Variants in MAGI1 observed in about 807,000 individuals in gnomAD.
The protein encoded by MAGI1 is membrane-associated guanylate kinase, WW and PDZ domain-containing protein 1.
Under a neutral mutation model 139.9 loss-of-function variants are expected in MAGI1, and 58 were observed. The ratio of observed to expected loss-of-function variants is 0.41; its 90% CI spans 0.34 to 0.52. The LOEUF is 0.52. MAGI1 is among the 20% of genes least tolerant of loss of function. The pLI is 0.12. For missense variants in MAGI1, 1,874 were observed against 1,901.6 expected, an observed-to-expected ratio of 0.99 and a Z score of 0.27; for synonymous variants, 812 against 737.9, an observed-to-expected ratio of 1.10 and a Z score of -1.63.
intron 3 of MAGI1, 120 bp downstream of exon 3, chr3:65,493,392 G>T (rs1188801850): frequency 4.4e-6 from 5 of 1,135,054 alleles, no homozygotes; most frequent in Non-Finnish European, 6.4e-6. Flanking sequence ...AAGGTGAACT[G>T]AAATCTCCTG....
chr3:65,531,663 A>C (rs1029953581), intron 2 of MAGI1, among the ~76,000 whole-genome samples: 8 of 152,164 alleles, frequency 5.3e-5, no homozygotes. Context: ...ATCACCCTCA[A>C]GTGGAATAAA....
chr3:65,603,677 T>C (rs901126958), intron 2 of MAGI1, among the ~76,000 whole-genome samples: 3 of 152,246 alleles, frequency 2.0e-5, no homozygotes, highest in African/African-American at 7.2e-5. Flanking sequence ...AATAGCCTTG[T>C]CTTTCTTTGT....
chr3:65,788,558 G>A (rs1028830021), intron 1 of MAGI1, among the ~76,000 whole-genome samples: 1 of 152,202 alleles, frequency 6.6e-6, no homozygotes, highest in Non-Finnish European at 1.5e-5. Context: ...CAGCTGCGTT[G>A]CAGAGGTCTG....
chr3:65,774,673 A>C (rs2038223081), intron 1 of MAGI1, among the ~76,000 whole-genome samples: 1 of 152,196 alleles, frequency 6.6e-6, no homozygotes, highest in African/African-American at 2.4e-5. Context: ...GAAATGGCAT[A>C]CACAAAATGT....
At position 65,356,172 on chromosome 3, in the gene MAGI1, T is replaced by C. The variant is rs1007991678; in HGVS notation, c.*206A>G. The C allele has an allele frequency of 1.1e-5, 5 of 450,086 alleles. No homozygotes were observed. Among genetic ancestry groups the C allele is most frequent in the Non-Finnish European group, 1.5e-5 (4 of 270,648 alleles). 27.9% of individuals were successfully genotyped at this position (450,086 alleles called of 1,614,324 possible). ...TTCCAAAAAAGTATGCATTTAAAAA[T>C]ACTTTCTTTAATATGATACATCAGG... On this transcript the variant is annotated 3_prime_UTR_variant, in exon 23 of 23. Transcript: ENST00000402939.
intron 1 of MAGI1, among the ~76,000 whole-genome samples, chr3:65,911,421 C>A (rs745985329): frequency 4.6e-5 from 7 of 152,206 alleles, no homozygotes; most frequent in Admixed American, 3.9e-4. Context: ...AGCTGCCCAG[C>A]GTCCACCTTT....
chr3:65,571,748 GT>G (rs1429844645), intron 2 of MAGI1, among the ~76,000 whole-genome samples: 1 of 151,794 alleles, frequency 6.6e-6, no homozygotes, highest in African/African-American at 2.4e-5. Context: ...TGATGAATAC[GT>G]TTTGAGAGAT....
intron 1 of MAGI1, among the ~76,000 whole-genome samples, chr3:65,777,642 CAAAAAA>C (rs11415226): frequency 1.7e-5 from 2 of 117,074 alleles, no homozygotes; most frequent in African/African-American, 3.4e-5. Flanking sequence ...ACTCTTATCA[CAAAAAA>C]AAAAAAAAAA....
chr3:65,622,794 C>T (rs183796847), intron 1 of MAGI1, among the ~76,000 whole-genome samples: 24 of 152,134 alleles, frequency 1.6e-4, no homozygotes, highest in African/African-American at 4.6e-4. Flanking sequence ...CTCAAACTCC[C>T]GGCCTCAAGT....
At chr3:65,445,362 C>T (rs1948612329) in intron 7 of MAGI1, among the ~76,000 whole-genome samples, 1 of 152,144 alleles carries the variant, frequency 6.6e-6, no homozygotes, top group South Asian at 2.1e-4. Context: ...CAAATGGCAG[C>T]TGTTCCAGGA....
intron 1 of MAGI1, among the ~76,000 whole-genome samples, chr3:65,887,839 T>G (rs761017769): frequency 6.6e-6 from 1 of 152,178 alleles, no homozygotes; most frequent in Admixed American, 6.5e-5. Context: ...CTATTATTCA[T>G]TGAATTTATT....
intron 1 of MAGI1, among the ~76,000 whole-genome samples, chr3:65,696,285 A>G (rs1175663070): frequency 1.3e-5 from 2 of 152,086 alleles, no homozygotes; most frequent in African/African-American, 4.8e-5. Context: ...CTGCCATTTC[A>G]TTCAGCTTTA....
chr3:65,507,324 G>A (rs1161034271), intron 2 of MAGI1, among the ~76,000 whole-genome samples: 1 of 152,116 alleles, frequency 6.6e-6, no homozygotes, highest in East Asian at 1.9e-4. Context: ...TTACCTTGAA[G>A]GGGTTTTAGA....
At chr3:65,572,359 G>A (rs1353114106) in intron 2 of MAGI1, among the ~76,000 whole-genome samples, 1 of 152,094 alleles carries the variant, frequency 6.6e-6, no homozygotes, top group Non-Finnish European at 1.5e-5. Context: ...TAAACACCAG[G>A]AACTAGGAAC....
intron 1 of MAGI1, among the ~76,000 whole-genome samples, chr3:65,827,088 G>A (rs1329941942): frequency 6.6e-6 from 1 of 152,150 alleles, no homozygotes; most frequent in Admixed American, 6.5e-5. Context: ...GTAATCACCT[G>A]ATTAAAGGTT....
intron 1 of MAGI1, among the ~76,000 whole-genome samples, chr3:65,953,846 C>T (rs977339205): frequency 2.6e-5 from 4 of 152,174 alleles, no homozygotes; most frequent in South Asian, 2.1e-4. Context: ...AGGCAATGTT[C>T]GTTAGGTAAA....
At chr3:65,563,483 T>A (rs998627526) in intron 2 of MAGI1, among the ~76,000 whole-genome samples, 4 of 152,186 alleles carry the variant, frequency 2.6e-5, no homozygotes, top group African/African-American at 9.7e-5. Flanking sequence ...ACATTAAAAC[T>A]TCCAACTTGC....
At chr3:65,403,907 T>C (rs187855563) in intron 12 of MAGI1, among the ~76,000 whole-genome samples, 4 of 152,332 alleles carry the variant, frequency 2.6e-5, no homozygotes, top group Admixed American at 2.0e-4. Context: ...TAAAAAACTG[T>C]GGGGCAGCCA....
intron 2 of MAGI1, among the ~76,000 whole-genome samples, chr3:65,523,287 T>C (rs549403417): frequency 6.6e-6 from 1 of 152,286 alleles, no homozygotes. Context: ...TAGGAATGTT[T>C]CATGAGGCCA....
Sources: allele counts gnomAD v4.1 joint callset (sites outside exome capture counted in the v4.1 genomes callset), GRCh38; gene constraint gnomAD v4.1.1; transcripts MANE v1.5; gene names NCBI Gene and HGNC (gene_info 2026-07-23, HGNC 2026-07-21).